Variants in UBE2E3 observed in about 807,000 individuals in gnomAD.
UBE2E3 encodes ubiquitin-conjugating enzyme E2 E3.
In UBE2E3, 5 loss-of-function variants were observed where a neutral mutation model predicts 23.6. The ratio of observed to expected loss-of-function variants is 0.21; its 90% CI spans 0.11 to 0.44. UBE2E3 has a LOEUF of 0.44. Ranked by LOEUF, UBE2E3 falls within the 20% of genes least tolerant of loss-of-function variation. The pLI is 0.99. For synonymous variants in UBE2E3, 78 were observed against 87.5 expected (o/e 0.89, Z 0.60); for missense variants, 81 against 249.8 (o/e 0.32, Z 4.55).
chr2:181,027,166 G>A (rs912547948), intron 3 of UBE2E3, among the ~76,000 whole-genome samples: 1 of 151,776 alleles, frequency 6.6e-6, no homozygotes, highest in Non-Finnish European at 1.5e-5. Flanking sequence ...TTAAATAAAA[G>A]GTCTCTATTT....
intron 3 of UBE2E3, among the ~76,000 whole-genome samples, chr2:181,026,766 C>T (rs1685900814): frequency 2.0e-5 from 3 of 151,776 alleles, no homozygotes; most frequent in Non-Finnish European, 2.9e-5. Context: ...TATGGTTATA[C>T]TTATACTTAA....
intron 3 of UBE2E3, among the ~76,000 whole-genome samples, chr2:181,026,085 G>A (rs1246974065): frequency 2.6e-5 from 4 of 151,888 alleles, no homozygotes; most frequent in African/African-American, 9.7e-5. Context: ...ATTTGGGGAG[G>A]CTTTTGCGTA....
chr2:181,032,658 A>T (rs554191137), intron 3 of UBE2E3, among the ~76,000 whole-genome samples: 37 of 152,250 alleles, frequency 2.4e-4, no homozygotes, highest in Non-Finnish European at 4.1e-4. Flanking sequence ...TCTTTGAAAC[A>T]CTGTAATTTG....
At chr2:181,061,601 A>G (rs927413621) in intron 5 of UBE2E3, among the ~76,000 whole-genome samples, 4 of 151,564 alleles carry the variant, frequency 2.6e-5, no homozygotes, top group Admixed American at 1.3e-4. Context: ...TTAAAATGAT[A>G]GCCAATGAGA....
intron 3 of UBE2E3, among the ~76,000 whole-genome samples, chr2:181,025,841 CT>C (rs928077115): frequency 1.1e-4 from 17 of 151,980 alleles, no homozygotes; most frequent in African/African-American, 4.1e-4. Context: ...AGAGCCCTTT[CT>C]TTTTTGTTTT....
At chr2:181,033,607 G>A (rs1342438072) in intron 3 of UBE2E3, among the ~76,000 whole-genome samples, 1 of 152,114 alleles carries the variant, frequency 6.6e-6, no homozygotes, top group East Asian at 1.9e-4. Flanking sequence ...TACCATTTAG[G>A]ACATAGGCAT....
intron 3 of UBE2E3, among the ~76,000 whole-genome samples, chr2:181,032,356 T>C (rs1242935999): frequency 6.6e-6 from 1 of 152,198 alleles, no homozygotes; most frequent in Non-Finnish European, 1.5e-5. Flanking sequence ...GCTTCTGCTA[T>C]CTGATAAAAA....
At chr2:181,057,873 A>G in intron 4 of UBE2E3, 48 bp downstream of exon 4, 1 of 1,583,438 alleles carries the variant, frequency 6.3e-7, no homozygotes, top group East Asian at 2.3e-5. Context: ...TTCTCCTCTA[A>G]AATCGGTTAT....
chr2:181,021,562 T>TCCTTCCTTCCTTCCTCCCTC lies in UBE2E3; in HGVS notation c.246-36120_246-36119insTCCTCCCTCCCTTCCTTCCT, dbSNP rs1559124271. ...TTTCTTTTAAATATACTCCCTTCCT[T>TCCTTCCTTCCTTCCTCCCTC]CCTTCCTTCCTCCCTCCCTCCCTTC... On this transcript the variant is annotated intron_variant, in intron 3 of 5. Coordinates refer to ENST00000410062, the MANE Select transcript of UBE2E3 (RefSeq NM_006357.4). 8.5e-5 allele frequency among the ~76,000 whole-genome samples: 3 copies of TCCTTCCTTCCTTCCTCCCTC among 35,368 alleles called. 1 individual carries two copies. The highest frequency in any genetic ancestry group is 1.2e-4 in the African/African-American group (1 of 8,324). 23.2% of individuals were successfully genotyped at this position (35,368 alleles called of 152,430 possible).
intron 3 of UBE2E3, among the ~76,000 whole-genome samples, chr2:181,023,613 G>A (rs1685777120): frequency 6.6e-6 from 1 of 152,126 alleles, no homozygotes; most frequent in Non-Finnish European, 1.5e-5. Flanking sequence ...TGCTCTTTAA[G>A]TAACTCTACT....
intron 3 of UBE2E3, among the ~76,000 whole-genome samples, chr2:180,990,725 A>G (rs1684630146): frequency 1.3e-5 from 2 of 152,148 alleles, no homozygotes; most frequent in African/African-American, 4.8e-5. Flanking sequence ...ATTATGTTCT[A>G]CTAGGAGTAC....
chr2:181,030,994 A>C (rs116100230), intron 3 of UBE2E3, among the ~76,000 whole-genome samples: 3,317 of 152,088 alleles, frequency 0.022, 57 homozygotes, highest in Middle Eastern at 0.062. Flanking sequence ...TTTTCTATTT[A>C]CTTGAGCTAA....
chr2:181,060,430 ATTT>A (rs1450844985), intron 4 of UBE2E3, among the ~76,000 whole-genome samples: 1 of 151,714 alleles, frequency 6.6e-6, no homozygotes, highest in African/African-American at 2.4e-5. Context: ...TGTATCAGTT[ATTT>A]AAGTATAACT....
At chr2:180,999,690 A>G (rs4077214) in intron 3 of UBE2E3, among the ~76,000 whole-genome samples, 6,440 of 152,202 alleles carry the variant, frequency 0.042, 198 homozygotes, top group African/African-American at 0.078. Flanking sequence ...TTGTACATCA[A>G]GGACATCCAC....
chr2:180,985,315 C>T (rs529609328), intron 3 of UBE2E3, among the ~76,000 whole-genome samples: 2 of 152,146 alleles, frequency 1.3e-5, no homozygotes, highest in South Asian at 2.1e-4. Context: ...TGGCTATTGG[C>T]CTCTTCAGTT....
chr2:181,016,084 T>C (rs1160419707), intron 3 of UBE2E3, among the ~76,000 whole-genome samples: 1 of 149,078 alleles, frequency 6.7e-6, no homozygotes, highest in Non-Finnish European at 1.5e-5. Context: ...ACTTCTGGCA[T>C]TCATATGGCA....
chr2:180,997,372 A>G (rs1367557700), intron 3 of UBE2E3, among the ~76,000 whole-genome samples: 1 of 151,526 alleles, frequency 6.6e-6, no homozygotes, highest in Non-Finnish European at 1.5e-5. Context: ...GTATTTTTTC[A>G]TATGACTTAT....
At chr2:181,061,034 C>T (rs2105484385) in intron 5 of UBE2E3, among the ~76,000 whole-genome samples, 1 of 151,236 alleles carries the variant, frequency 6.6e-6, no homozygotes, top group Non-Finnish European at 1.5e-5. Flanking sequence ...TAATGGCATA[C>T]CACTCTATAA....
At chr2:181,000,858 C>T (rs1023754375) in intron 3 of UBE2E3, among the ~76,000 whole-genome samples, 17 of 152,150 alleles carry the variant, frequency 1.1e-4, no homozygotes, top group Non-Finnish European at 1.9e-4. Flanking sequence ...ATCGTAAAGG[C>T]ATTGATTGAA....
Sources: allele counts gnomAD v4.1 joint callset (sites outside exome capture counted in the v4.1 genomes callset), GRCh38; gene constraint gnomAD v4.1.1; transcripts MANE v1.5; gene names NCBI Gene and HGNC (gene_info 2026-07-23, HGNC 2026-07-21).